Variants in ANKFN1 observed in about 807,000 individuals in gnomAD.
The protein encoded by ANKFN1 is ankyrin repeat and fibronectin type III domain containing 1.
ANKFN1 carries 74 observed loss-of-function variants against 108.7 expected under a neutral mutation model. The observed-to-expected ratio is 0.68, with a 90% CI of 0.56 to 0.83. ANKFN1 has a LOEUF of 0.83. Among genes scored for constraint, ANKFN1 ranks in the 40% least tolerant of loss-of-function variants. ANKFN1 has a pLI of 0.00. For missense variants in ANKFN1, 1,505 were observed against 1,382.3 expected, an observed-to-expected ratio of 1.09 and a Z score of -1.41; for synonymous variants, 547 against 516.2, an observed-to-expected ratio of 1.06 and a Z score of -0.81.
intron 8 of ANKFN1, among the ~76,000 whole-genome samples, chr17:56,415,713 T>A (rs2048224410): frequency 6.6e-6 from 1 of 151,930 alleles, no homozygotes; most frequent in Non-Finnish European, 1.5e-5. Flanking sequence ...AGAAAAAAAA[T>A]TCTAAAATTT....
At chr17:56,370,138 C>A (rs918066102) in intron 6 of ANKFN1, among the ~76,000 whole-genome samples, 2 of 152,100 alleles carry the variant, frequency 1.3e-5, no homozygotes, top group Non-Finnish European at 2.9e-5. Context: ...GTTTAGATAT[C>A]CCAGTTTGAG....
At chr17:56,444,669 G>A (rs965847422) in intron 10 of ANKFN1, among the ~76,000 whole-genome samples, 4 of 152,084 alleles carry the variant, frequency 2.6e-5, no homozygotes, top group African/African-American at 4.8e-5. Context: ...TTTAATCTTC[G>A]TAAGGTACCT....
At chr17:56,318,241 G>T (rs575620274) in intron 3 of ANKFN1, among the ~76,000 whole-genome samples, 19 of 151,916 alleles carry the variant, frequency 1.3e-4, no homozygotes, top group Admixed American at 2.6e-4. Context: ...AATGGTTCTG[G>T]GGGGGGTGTG....
intron 1 of ANKFN1, among the ~76,000 whole-genome samples, chr17:56,206,244 T>A (rs76737819): frequency 0.026 from 4,012 of 152,280 alleles, 158 homozygotes; most frequent in African/African-American, 0.091. Context: ...TTCGTGTAAT[T>A]GTCATATTAT....
intron 4 of ANKFN1, among the ~76,000 whole-genome samples, chr17:56,084,764 G>C (rs553789663): frequency 2.6e-5 from 4 of 151,222 alleles, no homozygotes; most frequent in Non-Finnish European, 5.9e-5. Flanking sequence ...TTCCTTTCCA[G>C]GCTTGATGAA....
intron 1 of ANKFN1, among the ~76,000 whole-genome samples, chr17:56,167,378 C>G (rs1027866745): frequency 2.0e-5 from 3 of 146,672 alleles, no homozygotes; most frequent in African/African-American, 7.6e-5. Flanking sequence ...TTGAAAATGT[C>G]TAAGTTACTA....
chr17:56,500,892 G>A (rs555564018), intron 20 of ANKFN1, among the ~76,000 whole-genome samples: 11 of 152,272 alleles, frequency 7.2e-5, no homozygotes, highest in Admixed American at 7.2e-4. Context: ...TCTAGAAACA[G>A]GGACAAAGAG....
At chr17:56,389,092 T>G (rs2047357877) in intron 8 of ANKFN1, among the ~76,000 whole-genome samples, 1 of 152,146 alleles carries the variant, frequency 6.6e-6, no homozygotes, top group Non-Finnish European at 1.5e-5. Context: ...AGTTTACTTT[T>G]ATAGAGAAAC....
chr17:56,081,631 G>A (rs1905247186), intron 4 of ANKFN1, among the ~76,000 whole-genome samples: 1 of 152,168 alleles, frequency 6.6e-6, no homozygotes, highest in African/African-American at 2.4e-5. Context: ...GGGATTACAG[G>A]CATAAGCCAC....
At position 56,466,539 on chromosome 17, in the gene ANKFN1, A is replaced by G. The variant is rs1357362850; in HGVS notation, c.1741A>G (p.Thr581Ala). 3 of 1,613,028 alleles carry G rather than the reference A, an allele frequency of 1.9e-6. No homozygotes were observed. In the African/African-American group the frequency reaches 4.0e-5, roughly 22 times the overall value. The change falls in exon 15 of 21, where the codon ACA (threonine) becomes GCA (alanine). Residue 581 changes from threonine (T) to alanine (A), a missense_variant. By Grantham distance (58) the Thr-to-Ala change is moderately conservative. Transcript: ENST00000682825. ...GTCTCTATCAACACCTGAGGAGCCAACAGCTTTAGACATTCTACTGATAAC... is the reference window on the plus strand; with the variant it reads ...GTCTCTATCAACACCTGAGGAGCCAGCAGCTTTAGACATTCTACTGATAAC... ...RKSLSTPEEP[T>A]ALDILLITIQ...
At chr17:56,167,187 T>C (rs959788631) in intron 1 of ANKFN1, among the ~76,000 whole-genome samples, 1 of 150,388 alleles carries the variant, frequency 6.6e-6, no homozygotes. Context: ...ACATATATCA[T>C]GTATACATAT....
chr17:56,101,755 A>G (rs1385261626), intron 4 of ANKFN1, among the ~76,000 whole-genome samples: 23 of 152,350 alleles, frequency 1.5e-4, no homozygotes, highest in Admixed American at 2.0e-4. Flanking sequence ...TGCAAAAATA[A>G]AACTGATCAT....
intron 15 of ANKFN1, among the ~76,000 whole-genome samples, chr17:56,469,225 C>G (rs188229033): frequency 1.3e-5 from 2 of 151,902 alleles, no homozygotes; most frequent in African/African-American, 4.8e-5. Flanking sequence ...CCCACCCACC[C>G]CCACTCTCCC....
At chr17:56,057,097 T>C (rs1904893133) in intron 4 of ANKFN1, among the ~76,000 whole-genome samples, 1 of 152,238 alleles carries the variant, frequency 6.6e-6, no homozygotes, top group Non-Finnish European at 1.5e-5. Context: ...TGCTCATGCA[T>C]AAGAAACAAC....
At chr17:56,166,714 C>T (rs1910158128) in intron 1 of ANKFN1, among the ~76,000 whole-genome samples, 1 of 152,104 alleles carries the variant, frequency 6.6e-6, no homozygotes, top group Admixed American at 6.5e-5. Flanking sequence ...GTTCCACTCT[C>T]CCTTGAAGCT....
At chr17:56,273,932 C>T (rs957354946) in intron 3 of ANKFN1, among the ~76,000 whole-genome samples, 2 of 152,196 alleles carry the variant, frequency 1.3e-5, no homozygotes, top group Non-Finnish European at 2.9e-5. Context: ...TACTGTCTCT[C>T]CCTCTATTTC....
At chr17:56,353,152 G>A (rs532571681) in intron 5 of ANKFN1, among the ~76,000 whole-genome samples, 1 of 152,098 alleles carries the variant, frequency 6.6e-6, no homozygotes, top group East Asian at 1.9e-4. Flanking sequence ...AGCCTACAGG[G>A]AAGTAATGGG....
In ANKFN1 at chr17:56,454,144, G is replaced by A. The variant is rs550496951; in HGVS notation, c.1208-2717G>A. 4.6e-5 allele frequency among the ~76,000 whole-genome samples: 7 copies of A among 151,984 alleles called. No homozygotes were observed. In the South Asian group the frequency reaches 1.0e-3, roughly 23 times the overall value. ...TTCAGATTTTGGTTCTCCCACATTC[G>A]TCCTTCAATTTTATTTTCTTTTTTT... is the stretch of plus-strand genomic sequence containing the variant. On this transcript the variant is annotated intron_variant, in intron 11 of 20. Transcript: ENST00000682825.
intron 4 of ANKFN1, among the ~76,000 whole-genome samples, chr17:56,051,101 CAG>C (rs1205596038): frequency 1.3e-5 from 1 of 79,682 alleles, no homozygotes; most frequent in Non-Finnish European, 2.6e-5. Context: ...CAAAGCCGGG[CAG>C]AGACACAACC....
Sources: gnomAD v4.1 joint callset for allele counts (sites outside exome capture counted in the v4.1 genomes callset) on GRCh38, gnomAD v4.1.1 for gene constraint, MANE v1.5 for transcripts, NCBI Gene and HGNC (gene_info 2026-07-23, HGNC 2026-07-21) for gene names.